CACNA1A: variants seen among roughly 807,000 people sequenced by gnomAD.
CACNA1A encodes calcium voltage-gated channel subunit alpha1 A, also known as voltage-dependent P/Q-type calcium channel subunit alpha-1A.
In CACNA1A, 57 loss-of-function variants were observed where a neutral mutation model predicts 262.4. That is an observed-to-expected ratio of 0.22 (90% CI 0.18 to 0.27). The LOEUF (loss-of-function observed/expected upper bound fraction) is 0.27, where lower values mean the gene tolerates loss of function less well. CACNA1A is among the 10% of genes least tolerant of loss of function. The pLI, the probability that CACNA1A is intolerant of heterozygous loss-of-function variation, is 1.00. For missense variants in CACNA1A, 2,526 were observed against 3,562.8 expected (o/e 0.71, Z 7.41); for synonymous variants, 1,431 against 1,419.3 (o/e 1.01, Z -0.18).
In CACNA1A at chr19:13,212,582, G is replaced by A. The variant is rs1010363557; in HGVS notation, c.6050+49C>T. ...CGCTTGGGCAGCTTCCAGAACGTGG[G>A]GACCACGGCACCCCCACACTCCACC... is the stretch of plus-strand genomic sequence containing the variant. On this transcript the variant is annotated intron_variant, in intron 41 of 46. Transcript: ENST00000360228. The surrounding 1 kb of genome is among the most constrained non-coding windows in gnomAD (Gnocchi z 5.6). The A allele has an allele frequency of 6.6e-7, 1 of 1,512,734 alleles. No homozygotes were observed. The highest frequency in any genetic ancestry group is 2.0e-5 in the Admixed American group (1 of 49,062). 93.7% of individuals were successfully genotyped at this position (1,512,734 alleles called of 1,614,324 possible).
At chr19:13,417,731 A>C (rs1469718649) in intron 3 of CACNA1A, among the ~76,000 whole-genome samples, 1 of 151,900 alleles carries the variant, frequency 6.6e-6, no homozygotes, top group Non-Finnish European at 1.5e-5. Context: ...CTCTACTAAA[A>C]ATACAAAAAT....
chr19:13,304,837 G>A (rs140842952), intron 15 of CACNA1A, among the ~76,000 whole-genome samples: 2 of 152,256 alleles, frequency 1.3e-5, no homozygotes, highest in African/African-American at 4.8e-5. Flanking sequence ...AGAACTATGA[G>A]AGAATAAATG....
chr19:13,431,495 A>G (rs1482638490), intron 3 of CACNA1A, among the ~76,000 whole-genome samples: 1 of 152,086 alleles, frequency 6.6e-6, no homozygotes, highest in Non-Finnish European at 1.5e-5. Context: ...AAAATAGGGC[A>G]GGAGGAGCAG....
intron 28 of CACNA1A, chr19:13,257,100 T>C (rs762859720): frequency 9.5e-6 from 3 of 316,648 alleles, no homozygotes; most frequent in East Asian, 1.1e-4. Context: ...TTGTGGATAT[T>C]TGGCAATGAA....
At chr19:13,231,956 C>A in intron 34 of CACNA1A, 96 bp from the exon 35 acceptor site, 1 of 1,328,910 alleles carries the variant, frequency 7.5e-7, no homozygotes, top group Non-Finnish European at 1.0e-6. Context: ...AGCACTTGGG[C>A]TCTGGAGCTG....
chr19:13,457,552 T>C (rs761750175), intron 1 of CACNA1A, among the ~76,000 whole-genome samples: 2 of 152,032 alleles, frequency 1.3e-5, no homozygotes, highest in Non-Finnish European at 2.9e-5. Flanking sequence ...TATTCAGCCA[T>C]AAAAAGGAAT....
In CACNA1A at chr19:13,216,805, A is replaced by G. The variant is rs548781194; in HGVS notation, c.5732-2197T>C. 3.9e-5 allele frequency among the ~76,000 whole-genome samples: 6 copies of G among 152,192 alleles called. No homozygotes were observed. In the South Asian group the frequency reaches 1.0e-3, roughly 26 times the overall value. On this transcript the variant is annotated intron_variant, in intron 38 of 46. Coordinates refer to ENST00000360228, the MANE Select transcript of CACNA1A (RefSeq NM_001127222.2). ...GGGCTCAAGCAATCCACATTCTGACAGTCAGAATGTCACTGTGGGCTGCTA... is the reference window on the plus strand; with the variant it reads ...GGGCTCAAGCAATCCACATTCTGACGGTCAGAATGTCACTGTGGGCTGCTA...
chr19:13,240,660 G>C (rs1000656941), intron 31 of CACNA1A, among the ~76,000 whole-genome samples: 14 of 149,690 alleles, frequency 9.4e-5, no homozygotes, highest in African/African-American at 3.5e-4. Flanking sequence ...CTGTGTGTGT[G>C]GATAGTGACT....
At chr19:13,383,091 C>T (rs116702065) in intron 3 of CACNA1A, among the ~76,000 whole-genome samples, 1,888 of 152,224 alleles carry the variant, frequency 0.012, 37 homozygotes, top group African/African-American at 0.042. Flanking sequence ...TCTGAAAGGA[C>T]CACGGAGTGA....
At chr19:13,423,940 C>T (rs1028704941) in intron 3 of CACNA1A, among the ~76,000 whole-genome samples, 2 of 152,178 alleles carry the variant, frequency 1.3e-5, no homozygotes, top group African/African-American at 4.8e-5. Flanking sequence ...CCAAGGCAAC[C>T]TGTATCATAC....
Position 13,241,381 on chromosome 19 carries a change from G to T in CACNA1A, c.4950+3801C>A. 1 of 702,622 alleles carries T rather than the reference G, an allele frequency of 1.4e-6. No individual in the cohort carries two copies. The highest frequency in any genetic ancestry group is 2.6e-6 in the Non-Finnish European group (1 of 386,288). 43.5% of individuals were successfully genotyped at this position (702,622 alleles called of 1,614,324 possible). On this transcript the variant is annotated intron_variant, in intron 31 of 46. Coordinates refer to ENST00000360228, the MANE Select transcript of CACNA1A (RefSeq NM_001127222.2). This position sits in a 1 kb window ranked among gnomAD's most constrained non-coding sequence, Gnocchi z 4.0. Reference sequence around the variant, plus strand: ...GGGGCTGGGGGCGGGAGGACAGACAGACAGAGGAGAGCGGAGGGTTGAGGA... The same window carrying T: ...GGGGCTGGGGGCGGGAGGACAGACATACAGAGGAGAGCGGAGGGTTGAGGA...
chr19:13,232,093 A>G (rs1395545769), intron 34 of CACNA1A, among the ~76,000 whole-genome samples: 1 of 152,134 alleles, frequency 6.6e-6, no homozygotes, highest in Non-Finnish European at 1.5e-5. Context: ...GCCCCACCCC[A>G]GCAGACTTGG....
At chr19:13,245,820 T>C (rs189472426) in intron 30 of CACNA1A, among the ~76,000 whole-genome samples, 1 of 152,010 alleles carries the variant, frequency 6.6e-6, no homozygotes, top group Non-Finnish European at 1.5e-5. Context: ...CACAGGTGCA[T>C]GCCACCACAC....
At chr19:13,397,181 C>T (rs2059824711) in intron 3 of CACNA1A, among the ~76,000 whole-genome samples, 1 of 152,116 alleles carries the variant, frequency 6.6e-6, no homozygotes, top group Non-Finnish European at 1.5e-5. Context: ...CTTGAAGTCC[C>T]CCCAGTTTCT....
intron 1 of CACNA1A, among the ~76,000 whole-genome samples, chr19:13,466,295 T>C (rs1217628872): frequency 1.3e-5 from 2 of 151,370 alleles, no homozygotes; most frequent in East Asian, 1.9e-4. Flanking sequence ...GGCGACACAG[T>C]GAGGCTCTGT....
chr19:13,427,165 C>T (rs1208574535), intron 3 of CACNA1A, among the ~76,000 whole-genome samples: 1 of 152,006 alleles, frequency 6.6e-6, no homozygotes, highest in Non-Finnish European at 1.5e-5. Flanking sequence ...AAGTGGTCCC[C>T]CCCAGGGCAT....
intron 5 of CACNA1A, among the ~76,000 whole-genome samples, chr19:13,360,599 T>C (rs1255933977): frequency 6.6e-6 from 1 of 151,170 alleles, no homozygotes; most frequent in Admixed American, 6.6e-5. Flanking sequence ...TGCCTCAGGC[T>C]CCCAAGTAGC....
chr19:13,404,796 A>G (rs1004257662), intron 3 of CACNA1A, among the ~76,000 whole-genome samples: 9 of 152,250 alleles, frequency 5.9e-5, no homozygotes, highest in African/African-American at 2.2e-4. Context: ...CCCTGAGGGG[A>G]AAGGTGTGGA....
At chr19:13,311,455 GA>G (rs753983004) in intron 12 of CACNA1A, among the ~76,000 whole-genome samples, 1 of 152,182 alleles carries the variant, frequency 6.6e-6, no homozygotes, top group East Asian at 1.9e-4. Flanking sequence ...TTTATGTAGG[GA>G]AGGTTTGCTT....
Sources: gnomAD v4.1 joint callset for allele counts (sites outside exome capture counted in the v4.1 genomes callset) on GRCh38, gnomAD v4.1.1 for gene constraint, Gnocchi (gnomAD v3.1) non-coding constraint, MANE v1.5 for transcripts, NCBI Gene and HGNC (gene_info 2026-07-23, HGNC 2026-07-21) for gene names.